Variants in GABBR2 observed in about 807,000 individuals in gnomAD.
GABBR2 encodes G-protein coupled receptor 51.
GABBR2 carries 23 observed loss-of-function variants against 105.6 expected under a neutral mutation model. The observed-to-expected ratio is 0.22, with a 90% confidence interval of 0.16 to 0.31. The LOEUF is 0.31. GABBR2 is among the 10% of genes least tolerant of loss of function. The pLI is 1.00. For missense variants in GABBR2, 734 were observed against 1,245.5 expected (o/e 0.59, Z 6.18); for synonymous variants, 478 against 499.7 (o/e 0.96, Z 0.58).
rs1832111745 is a variant in GABBR2 at position 98,388,248 on chromosome 9, C to T, written c.1529+606G>A. On this transcript the variant is annotated intron_variant, in intron 10 of 18. Transcript: ENST00000259455. This position sits in a 1 kb window ranked among gnomAD's most constrained non-coding sequence, Gnocchi z 4.4. Reference sequence around the variant, plus strand: ...AAATTAAGACAAGAAACCAAGAAGACAGTCTGCCACGAGTGGACAGCAGCA... The same window carrying T: ...AAATTAAGACAAGAAACCAAGAAGATAGTCTGCCACGAGTGGACAGCAGCA... Among the ~76,000 whole-genome samples, 1 of 152,224 alleles carries T rather than the reference C, an allele frequency of 6.6e-6. No homozygotes were observed. Among genetic ancestry groups the T allele is most frequent in the Non-Finnish European group, 1.5e-5 (1 of 68,038 alleles).
At chr9:98,292,220 C>T (rs1490413508) in intron 18 of GABBR2, among the ~76,000 whole-genome samples, 3 of 152,034 alleles carry the variant, frequency 2.0e-5, no homozygotes, top group African/African-American at 7.2e-5. Context: ...TGCAAAAAAG[C>T]GAAAAACAAA....
At chr9:98,361,787 A>C (rs1471708305) in intron 13 of GABBR2, among the ~76,000 whole-genome samples, 1 of 152,192 alleles carries the variant, frequency 6.6e-6, no homozygotes, top group Non-Finnish European at 1.5e-5. Context: ...CCTATATGGC[A>C]TTCTCTGCTG....
At chr9:98,537,005 G>A (rs7045028) in intron 3 of GABBR2, among the ~76,000 whole-genome samples, 11,278 of 152,162 alleles carry the variant, frequency 0.074, 834 homozygotes, top group African/African-American at 0.19. Context: ...ACCAGAGGGC[G>A]TCACTTCCAC....
rs531515924 is a variant in GABBR2, at chr9:98,456,717, A to G, written c.1000-2500T>C. Reference sequence around the variant, plus strand: ...AATCCTACTGTGTATGAAAGTAGTCATTTCCCTGCATCCTTGACAATAGGT... The same window carrying G: ...AATCCTACTGTGTATGAAAGTAGTCGTTTCCCTGCATCCTTGACAATAGGT... On this transcript the variant is annotated intron_variant, in intron 6 of 18. Coordinates refer to ENST00000259455, the MANE Select transcript of GABBR2 (RefSeq NM_005458.8). Among the ~76,000 whole-genome samples, 60 of 152,322 alleles carry G rather than the reference A, an allele frequency of 3.9e-4. No individual in the cohort carries two copies. The South Asian group carries it at 0.012, about 30-fold the overall frequency.
intron 7 of GABBR2, among the ~76,000 whole-genome samples, chr9:98,450,906 GATCT>G (rs1490104651): frequency 1.3e-5 from 2 of 152,168 alleles, no homozygotes; most frequent in African/African-American, 4.8e-5. Flanking sequence ...CTCCAACTAA[GATCT>G]ATCAGGCACC....
chr9:98,459,859 A>G lies in GABBR2; in HGVS notation c.1000-5642T>C, dbSNP rs147331823. Among the ~76,000 whole-genome samples the G allele has an allele frequency of 7.6e-3, 1,159 of 152,356 alleles. 10 individuals are homozygous for G. The highest frequency in any genetic ancestry group is 0.012 in the Non-Finnish European group (825 of 68,030). On this transcript the variant is annotated intron_variant, in intron 6 of 18. Coordinates refer to ENST00000259455, the MANE Select transcript of GABBR2 (RefSeq NM_005458.8). ...ATCATCTCAGTTCTTCACTGGATTAAGGCAATTTGCCACTACTCTAACTAC... is the reference window on the plus strand; with the variant it reads ...ATCATCTCAGTTCTTCACTGGATTAGGGCAATTTGCCACTACTCTAACTAC...
At chr9:98,426,281 G>A (rs1231692119) in intron 7 of GABBR2, among the ~76,000 whole-genome samples, 1 of 152,230 alleles carries the variant, frequency 6.6e-6, no homozygotes. Context: ...AGGACTTAAA[G>A]CACAGAGTGG....
Position 98,306,078 on chromosome 9 carries a change from G to C in GABBR2, c.2229+43C>G, listed in dbSNP as rs769080033. On this transcript the variant is annotated intron_variant, in intron 15 of 18. Transcript: ENST00000259455. This position sits in a 1 kb window ranked among gnomAD's most constrained non-coding sequence, Gnocchi z 5.4. ...AAAAGCCAGCAATGCCCCTGTGCTG[G>C]AGTCAGAGGGCAGAGGCCAGGTGGT... is the stretch of plus-strand genomic sequence containing the variant. 3.0e-6 allele frequency: 4 copies of C among 1,325,890 alleles called. No individual in the cohort carries two copies. In the South Asian group the frequency reaches 4.8e-5, roughly 16 times the overall value. The allele number at this position is 1,325,890 out of a possible 1,614,324, so 82.1% of individuals were successfully genotyped here.
intron 7 of GABBR2, among the ~76,000 whole-genome samples, chr9:98,449,142 A>G (rs1588167142): frequency 6.6e-6 from 1 of 152,212 alleles, no homozygotes; most frequent in East Asian, 1.9e-4. Context: ...TGCTCCCACC[A>G]CATGCACAGG....
At chr9:98,522,898 A>G (rs1444446050) in intron 3 of GABBR2, among the ~76,000 whole-genome samples, 1 of 152,216 alleles carries the variant, frequency 6.6e-6, no homozygotes, top group African/African-American at 2.4e-5. Context: ...CTCAGATTAT[A>G]ACAATACAGA....
intron 11 of GABBR2, among the ~76,000 whole-genome samples, chr9:98,372,800 T>G (rs1208745350): frequency 6.6e-6 from 1 of 152,190 alleles, no homozygotes; most frequent in Non-Finnish European, 1.5e-5. Context: ...TGCGTTTCAA[T>G]TTTATTTGTA....
intron 7 of GABBR2, among the ~76,000 whole-genome samples, chr9:98,410,947 C>T (rs1393145614): frequency 6.6e-6 from 1 of 152,202 alleles, no homozygotes; most frequent in East Asian, 1.9e-4. Flanking sequence ...TTTCCTCCAC[C>T]ATCCCTTCCA....
At position 98,306,166 on chromosome 9, in the gene GABBR2, G is replaced by C; in HGVS notation, c.2184C>G (p.Ile728Met). 1 of 1,614,212 alleles carries C rather than the reference G, an allele frequency of 6.2e-7. No homozygotes were observed. Among genetic ancestry groups the C allele is most frequent in the Non-Finnish European group, 8.5e-7 (1 of 1,180,012 alleles). The change falls in exon 15 of 19, where the codon ATC becomes ATG. Residue 728 changes from isoleucine (I) to methionine (M), a missense_variant. By Grantham distance (10) the Ile-to-Met change is conservative (BLOSUM62 1). This residue lies in a region of GABBR2 where 91 missense variants were observed against 185.9 expected (regional missense o/e 0.49). Coordinates refer to ENST00000259455, the MANE Select transcript of GABBR2 (RefSeq NM_005458.8). The surrounding 1 kb of genome is among the most constrained non-coding windows in gnomAD (Gnocchi z 5.4). ...NVQFCIVALVIIFCSTITLCL... is the reference protein window; with the variant it reads ...NVQFCIVALVMIFCSTITLCL... ...AGAGGGTGATGGTGCTGCAGAAGAT[G>C]ATGACCAGAGCCACGATGCAGAACT... is the stretch of plus-strand genomic sequence containing the variant.
At chr9:98,304,526 A>G (rs1830519603) in intron 15 of GABBR2, among the ~76,000 whole-genome samples, 1 of 152,184 alleles carries the variant, frequency 6.6e-6, no homozygotes, top group African/African-American at 2.4e-5. Context: ...GCAGGCAGAG[A>G]AGTCACGGTG....
intron 7 of GABBR2, among the ~76,000 whole-genome samples, chr9:98,436,379 A>G (rs1825921659): frequency 1.8e-5 from 1 of 54,130 alleles, no homozygotes; most frequent in Non-Finnish European, 3.2e-5. Context: ...ATATATATAT[A>G]TATATATATA....
intron 2 of GABBR2, among the ~76,000 whole-genome samples, chr9:98,571,670 C>T (rs931259045): frequency 5.9e-5 from 9 of 152,204 alleles, no homozygotes; most frequent in African/African-American, 2.2e-4. Context: ...TGGAGAGCCA[C>T]TGACCTGGTC....
At chr9:98,542,874 C>G (rs917575378) in intron 2 of GABBR2, among the ~76,000 whole-genome samples, 3 of 151,830 alleles carry the variant, frequency 2.0e-5, no homozygotes, top group Admixed American at 6.6e-5. Flanking sequence ...AGTAGCATAT[C>G]CTATTTTAGG....
intron 8 of GABBR2, among the ~76,000 whole-genome samples, chr9:98,399,016 G>A (rs2131515615): frequency 6.6e-6 from 1 of 152,174 alleles, no homozygotes; most frequent in East Asian, 1.9e-4. Context: ...TCTGCCCCAG[G>A]AGCACTTTTT....
chr9:98,294,414 G>C (rs138559944), intron 17 of GABBR2, among the ~76,000 whole-genome samples: 1 of 151,994 alleles, frequency 6.6e-6, no homozygotes, highest in Non-Finnish European at 1.5e-5. Flanking sequence ...TTTTTTACCC[G>C]GAATTTCCAC....
Sources: gnomAD v4.1 joint callset for allele counts (sites outside exome capture counted in the v4.1 genomes callset) on GRCh38, gnomAD v4.1.1 for gene constraint, gnomAD v4.1.1 regional missense constraint, Gnocchi (gnomAD v3.1) non-coding constraint, MANE v1.5 for transcripts, NCBI Gene and HGNC (gene_info 2026-07-23, HGNC 2026-07-21) for gene names.